The following SCN8A variants were observed in gnomAD, a reference collection of about 807,000 sequenced individuals.
SCN8A encodes sodium channel protein type 8 subunit alpha.
In SCN8A, 30 loss-of-function variants were observed where a neutral mutation model predicts 184.1. That is an observed-to-expected ratio of 0.16 (90% CI 0.12 to 0.22). The LOEUF is 0.22. Ranked by LOEUF, SCN8A falls within the 10% of genes least tolerant of loss-of-function variation. The pLI, the probability that SCN8A is intolerant of heterozygous loss-of-function variation, is 1.00. For missense variants in SCN8A, 1,057 were observed against 2,498.9 expected, an observed-to-expected ratio of 0.42 and a Z score of 12.30; for synonymous variants, 852 against 907.0, an observed-to-expected ratio of 0.94 and a Z score of 1.09.
chr12:51,717,021 T>A (rs1007464072), intron 11 of SCN8A, among the ~76,000 whole-genome samples: 1 of 152,166 alleles, frequency 6.6e-6, no homozygotes, highest in African/African-American at 2.4e-5. Flanking sequence ...TGCTCAGACT[T>A]ACCTATCCTG....
intron 6 of SCN8A, among the ~76,000 whole-genome samples, chr12:51,699,035 A>G (rs547744751): frequency 6.6e-6 from 1 of 152,372 alleles, no homozygotes; most frequent in East Asian, 1.9e-4. Context: ...TAAAAAATCA[A>G]TTATAACCAT....
intron 25 of SCN8A, among the ~76,000 whole-genome samples, chr12:51,791,209 A>C (rs997644018): frequency 3.9e-5 from 6 of 152,148 alleles, no homozygotes; most frequent in Non-Finnish European, 7.4e-5. Flanking sequence ...AACAGACACA[A>C]CACCACCAAA....
intron 1 of SCN8A, among the ~76,000 whole-genome samples, chr12:51,635,301 T>C (rs1201537171): frequency 6.6e-6 from 1 of 152,240 alleles, no homozygotes; most frequent in Non-Finnish European, 1.5e-5. Context: ...CTCTAGTACC[T>C]TATCCTTAAT....
At chr12:51,801,784 A>C (rs904550166) in intron 26 of SCN8A, among the ~76,000 whole-genome samples, 5 of 152,162 alleles carry the variant, frequency 3.3e-5, no homozygotes, top group African/African-American at 1.2e-4. Flanking sequence ...GCCAGGCGCC[A>C]TAGCTCATGC....
At chr12:51,695,380 C>G (rs1941575986) in intron 6 of SCN8A, among the ~76,000 whole-genome samples, 1 of 152,210 alleles carries the variant, frequency 6.6e-6, no homozygotes, top group Non-Finnish European at 1.5e-5. Flanking sequence ...ATTTCTTTAG[C>G]AATAACATCT....
At chr12:51,645,393 C>T (rs1248162048) in intron 1 of SCN8A, among the ~76,000 whole-genome samples, 6 of 151,920 alleles carry the variant, frequency 3.9e-5, no homozygotes, top group Admixed American at 2.0e-4. Context: ...CGCCTCTGCC[C>T]GGCCGCGCCT....
chr12:51,689,328 T>C, intron 6 of SCN8A: 1 of 499,128 alleles, frequency 2.0e-6, no homozygotes, highest in Non-Finnish European at 3.6e-6. Flanking sequence ...AAGCACGTGC[T>C]TAAGAATCAC....
chr12:51,753,731 G>A (rs545762231), intron 14 of SCN8A, among the ~76,000 whole-genome samples: 2 of 152,274 alleles, frequency 1.3e-5, no homozygotes, highest in African/African-American at 2.4e-5. Flanking sequence ...GCCATCACTG[G>A]TTGGGAAGAT....
chr12:51,751,739 C>T (rs1263228438), intron 14 of SCN8A, 146 bp downstream of exon 14: 2 of 643,952 alleles, frequency 3.1e-6, no homozygotes, highest in East Asian at 5.5e-5. Context: ...TGCCAGGACA[C>T]CAGCTGCTTT....
chr12:51,628,027 A>G (rs907957469), intron 1 of SCN8A, among the ~76,000 whole-genome samples: 3 of 152,272 alleles, frequency 2.0e-5, no homozygotes, highest in African/African-American at 4.8e-5. Flanking sequence ...ATTGGTATAC[A>G]GACTGGGAGA....
intron 4 of SCN8A, among the ~76,000 whole-genome samples, chr12:51,686,852 C>T (rs544717877): frequency 2.6e-4 from 40 of 152,282 alleles, no homozygotes; most frequent in African/African-American, 7.0e-4. Context: ...GCAAAGTTAA[C>T]TTCCTTGGAA....
intron 14 of SCN8A, among the ~76,000 whole-genome samples, chr12:51,760,018 T>A (rs1161963181): frequency 6.6e-6 from 1 of 152,164 alleles, no homozygotes; most frequent in African/African-American, 2.4e-5. Context: ...TGCAATAACA[T>A]CAGTCCACTC....
At chr12:51,730,145 T>C (rs568068495) in intron 12 of SCN8A, among the ~76,000 whole-genome samples, 1 of 152,302 alleles carries the variant, frequency 6.6e-6, no homozygotes, top group South Asian at 2.1e-4. Context: ...AACATGAAGA[T>C]ATTTTACTTC....
In SCN8A at chr12:51,649,302, G is replaced by A. The variant is rs191798211; in HGVS notation, c.-54-13462G>A. 2.0e-3 allele frequency among the ~76,000 whole-genome samples: 297 copies of A among 152,248 alleles called. 1 individual carries two copies. Among genetic ancestry groups the A allele is most frequent in the African/African-American group, 6.7e-3 (279 of 41,522 alleles). On this transcript the variant is annotated intron_variant, in intron 1 of 26. Coordinates refer to ENST00000627620, the MANE Select transcript of SCN8A (RefSeq NM_001330260.2). ...TTCCAAGCGAACAATGCAATTGGTCGGTAGATCTACCATTCTGGGGTCTGG... is the reference window on the plus strand; with the variant it reads ...TTCCAAGCGAACAATGCAATTGGTCAGTAGATCTACCATTCTGGGGTCTGG...
intron 12 of SCN8A, among the ~76,000 whole-genome samples, chr12:51,739,606 A>G (rs1163556146): frequency 1.3e-5 from 2 of 152,072 alleles, no homozygotes; most frequent in East Asian, 1.9e-4. Flanking sequence ...TCCCTGTCCC[A>G]TTGTTACCCT....
chr12:51,649,554 G>C (rs181898961), intron 1 of SCN8A, among the ~76,000 whole-genome samples: 2 of 152,300 alleles, frequency 1.3e-5, no homozygotes, highest in Admixed American at 1.3e-4. Context: ...TGCCCTCGCA[G>C]GCTCAACACC....
intron 7 of SCN8A, among the ~76,000 whole-genome samples, chr12:51,700,892 G>A (rs1354568854): frequency 1.3e-5 from 2 of 152,210 alleles, no homozygotes; most frequent in African/African-American, 4.8e-5. Context: ...TAGATTTGAA[G>A]TATGAATGGA....
At chr12:51,598,305 A>T (rs555880722) in intron 1 of SCN8A, among the ~76,000 whole-genome samples, 2 of 152,284 alleles carry the variant, frequency 1.3e-5, no homozygotes, top group South Asian at 4.1e-4. Context: ...CTCCCCTCCA[A>T]CAATTCCTTT....
chr12:51,706,794 A>T, intron 11 of SCN8A, 79 bp downstream of exon 11: 2 of 1,000,224 alleles, frequency 2.0e-6, no homozygotes, highest in Middle Eastern at 2.6e-4. Flanking sequence ...ATATTATACC[A>T]TCTTTACCAT....
Sources: allele counts gnomAD v4.1 joint callset (sites outside exome capture counted in the v4.1 genomes callset), GRCh38; gene constraint gnomAD v4.1.1; transcripts MANE v1.5; gene names NCBI Gene and HGNC (gene_info 2026-07-23, HGNC 2026-07-21).